PTPRE: variants seen among roughly 807,000 people sequenced by gnomAD.
PTPRE encodes receptor-type tyrosine-protein phosphatase epsilon.
PTPRE carries 51 observed loss-of-function variants against 102.0 expected under a neutral mutation model. That is an observed-to-expected ratio of 0.50 (90% CI 0.40 to 0.63). PTPRE has a LOEUF of 0.63. Ranked by LOEUF, PTPRE falls within the 30% of genes least tolerant of loss-of-function variation. The probability of loss-of-function intolerance (pLI) is 0.00; values close to 1 mark genes in which losing one functional copy is unlikely to be tolerated. For synonymous variants in PTPRE, 345 were observed against 348.2 expected (o/e 0.99, Z 0.10); for missense variants, 752 against 915.1 (o/e 0.82, Z 2.30).
intron 1 of PTPRE, among the ~76,000 whole-genome samples, chr10:127,950,023 C>A (rs1456964339): frequency 6.6e-6 from 1 of 151,978 alleles, no homozygotes; most frequent in African/African-American, 2.4e-5. Flanking sequence ...AATCTCTGGA[C>A]CCGCCCCCAC....
At chr10:128,035,721 C>A (rs1019613606) in intron 2 of PTPRE, among the ~76,000 whole-genome samples, 6 of 152,326 alleles carry the variant, frequency 3.9e-5, no homozygotes, top group African/African-American at 1.4e-4. Context: ...TGCTGGACAT[C>A]CTGGGCCAGC....
chr10:128,082,225 A>G (rs1471342187), intron 20 of PTPRE, among the ~76,000 whole-genome samples: 3 of 26,392 alleles, frequency 1.1e-4, no homozygotes, highest in Non-Finnish European at 1.8e-4. Context: ...TTTTTTTTTG[A>G]GACAGGGTCT....
intron 1 of PTPRE, among the ~76,000 whole-genome samples, chr10:127,969,339 A>G (rs1456134902): frequency 6.6e-6 from 1 of 152,198 alleles, no homozygotes; most frequent in Non-Finnish European, 1.5e-5. Flanking sequence ...GGGGCCGTGA[A>G]GACATCCTGG....
intron 2 of PTPRE, among the ~76,000 whole-genome samples, chr10:127,992,411 G>A (rs912594193): frequency 1.1e-4 from 17 of 152,138 alleles, no homozygotes; most frequent in Non-Finnish European, 2.1e-4. Flanking sequence ...AAAAGTTCTC[G>A]CACGAAATTC....
intron 1 of PTPRE, among the ~76,000 whole-genome samples, chr10:127,943,080 T>G (rs1400506986): frequency 6.6e-6 from 1 of 152,134 alleles, no homozygotes; most frequent in Non-Finnish European, 1.5e-5. Flanking sequence ...TCTTCCCAGC[T>G]CTGCCAGACA....
At chr10:128,026,069 AT>A (rs1247403397) in intron 2 of PTPRE, among the ~76,000 whole-genome samples, 1 of 152,046 alleles carries the variant, frequency 6.6e-6, no homozygotes, top group African/African-American at 2.4e-5. Context: ...AAAACAACCC[AT>A]CCCTGGCAGG....
chr10:127,908,636 G>A (rs970314020), intron 1 of PTPRE, among the ~76,000 whole-genome samples: 1 of 152,154 alleles, frequency 6.6e-6, no homozygotes, highest in Non-Finnish European at 1.5e-5. Context: ...GGCATTTGGG[G>A]AGCAAAAGGT....
chr10:127,953,993 G>C (rs930459844), intron 1 of PTPRE, among the ~76,000 whole-genome samples: 3 of 152,218 alleles, frequency 2.0e-5, no homozygotes, highest in Admixed American at 1.3e-4. Flanking sequence ...TTGAGGAAGA[G>C]GTATGTGGAT....
chr10:127,945,034 C>G (rs1848529271), intron 1 of PTPRE, among the ~76,000 whole-genome samples: 2 of 152,192 alleles, frequency 1.3e-5, no homozygotes, highest in South Asian at 4.1e-4. Flanking sequence ...TTGTGACTGT[C>G]ATGGGCCAGG....
intron 2 of PTPRE, among the ~76,000 whole-genome samples, chr10:127,991,229 A>G (rs1852622134): frequency 6.6e-6 from 1 of 152,182 alleles, no homozygotes; most frequent in Admixed American, 6.5e-5. Context: ...AGGCATCACT[A>G]TTTTCAAAAC....
At position 127,907,895 on chromosome 10, in the gene PTPRE, G is replaced by A. The variant is rs1845600276; in HGVS notation, c.-31+586G>A. ...GTCGGAGATGCGGCAGGGAGACCCT[G>A]GCAGGTGGTCCAGGCTGGACTGCCG... On this transcript the variant is annotated intron_variant, in intron 1 of 20. Coordinates refer to ENST00000254667, the MANE Select transcript of PTPRE (RefSeq NM_006504.6). The surrounding 1 kb of genome is among the most constrained non-coding windows in gnomAD (Gnocchi z 4.8). Among the ~76,000 whole-genome samples the A allele has an allele frequency of 6.6e-6, 1 of 152,190 alleles. No homozygotes were observed. Among genetic ancestry groups the A allele is most frequent in the Non-Finnish European group, 1.5e-5 (1 of 68,018 alleles).
intron 2 of PTPRE, among the ~76,000 whole-genome samples, chr10:128,019,779 C>T (rs866620717): frequency 1.3e-5 from 2 of 152,186 alleles, no homozygotes; most frequent in Non-Finnish European, 2.9e-5. Flanking sequence ...GAGGGGGTGC[C>T]AGACAGGGTC....
chr10:127,918,329 T>C (rs1452607403), intron 1 of PTPRE, among the ~76,000 whole-genome samples: 3 of 151,852 alleles, frequency 2.0e-5, no homozygotes, highest in Non-Finnish European at 1.5e-5. Flanking sequence ...GAGGCCGAGG[T>C]GGCCAGATCA....
At chr10:127,967,496 A>G (rs1002059952) in intron 1 of PTPRE, among the ~76,000 whole-genome samples, 4 of 152,222 alleles carry the variant, frequency 2.6e-5, no homozygotes. Context: ...CTGCTGCCAT[A>G]TAAAGATATG....
chr10:127,908,399 C>T (rs1437782152), intron 1 of PTPRE, among the ~76,000 whole-genome samples: 3 of 146,404 alleles, frequency 2.0e-5, no homozygotes, highest in Non-Finnish European at 4.5e-5. Flanking sequence ...TCTGCCTCTG[C>T]ACACTAACGA....
intron 10 of PTPRE, among the ~76,000 whole-genome samples, chr10:128,064,122 A>G (rs1169099319): frequency 6.6e-6 from 1 of 152,156 alleles, no homozygotes; most frequent in Non-Finnish European, 1.5e-5. Flanking sequence ...AAGGGCTGCC[A>G]TTTTTAGATG....
chr10:128,054,824 G>A (rs1030823759), intron 6 of PTPRE, among the ~76,000 whole-genome samples: 13 of 152,200 alleles, frequency 8.5e-5, no homozygotes, highest in East Asian at 2.0e-4. Flanking sequence ...AGGCCTGCAC[G>A]GCTTGGATCC....
chr10:127,987,302 G>A (rs1322175583), intron 2 of PTPRE: 3 of 1,250,192 alleles, frequency 2.4e-6, no homozygotes, highest in East Asian at 1.1e-4. Flanking sequence ...GTTCAAAGTT[G>A]GAATTCTTCT....
intron 1 of PTPRE, among the ~76,000 whole-genome samples, chr10:127,961,714 TCCTA>T (rs1849830693): frequency 6.6e-6 from 1 of 152,180 alleles, no homozygotes; most frequent in Non-Finnish European, 1.5e-5. Flanking sequence ...GTCTGTCCCT[TCCTA>T]CCTGTCACTG....
Sources: allele counts gnomAD v4.1 joint callset (sites outside exome capture counted in the v4.1 genomes callset), GRCh38; gene constraint gnomAD v4.1.1; non-coding constraint Gnocchi (gnomAD v3.1); transcripts MANE v1.5; gene names NCBI Gene and HGNC (gene_info 2026-07-23, HGNC 2026-07-21).